The following SH3BP2 variants were observed in gnomAD, a reference collection of about 807,000 sequenced individuals.
The protein encoded by SH3BP2 is SH3 domain-binding protein 2.
Under a neutral mutation model 56.2 loss-of-function variants are expected in SH3BP2, and 38 were observed. That is an observed-to-expected ratio of 0.68 (90% confidence interval 0.52 to 0.89). The LOEUF is 0.89. Among genes scored for constraint, SH3BP2 ranks in the 40% least tolerant of loss-of-function variants. The pLI, the probability that SH3BP2 is intolerant of heterozygous loss-of-function variation, is 0.00. For synonymous variants in SH3BP2, 346 were observed against 316.7 expected, an observed-to-expected ratio of 1.09 and a Z score of -0.98; for missense variants, 748 against 762.6, an observed-to-expected ratio of 0.98 and a Z score of 0.23.
In SH3BP2 at chr4:2,840,924, T is replaced by C. The variant is rs1725402982; in HGVS notation, c.*7090T>C. On this transcript the variant is annotated 3_prime_UTR_variant, in exon 13 of 13. Coordinates refer to ENST00000503393, the MANE Select transcript of SH3BP2 (RefSeq NM_001122681.2). ...TTTGTCCATTGTGGTCTTGCTTATCTTAAGTTTGATTTGTAAATATTTTAT... is the reference window on the plus strand; with the variant it reads ...TTTGTCCATTGTGGTCTTGCTTATCCTAAGTTTGATTTGTAAATATTTTAT... 1 of 152,252 alleles carries C rather than the reference T, an allele frequency of 6.6e-6. No homozygotes were observed. The highest frequency in any genetic ancestry group is 1.5e-5 in the Non-Finnish European group (1 of 68,046). The allele number at this position is 152,252 out of a possible 1,614,324, so 9.4% of individuals were successfully genotyped here. A position where few individuals can be genotyped will look rare whatever the true frequency, so the allele number is the denominator to read the frequency against.
At chr4:2,802,554 G>GTGTATATA (rs1185639574) in intron 1 of SH3BP2, among the ~76,000 whole-genome samples, 3 of 132,086 alleles carry the variant, frequency 2.3e-5, no homozygotes, top group South Asian at 2.3e-4. Context: ...GTATATATAT[G>GTGTATATA]TGTATATATG....
In SH3BP2 at chr4:2,831,680, G is replaced by A; in HGVS notation, c.1350+1G>A. The A allele has an allele frequency of 6.3e-7, 1 of 1,585,280 alleles. No homozygotes were observed. Among genetic ancestry groups the A allele is most frequent in the Non-Finnish European group, 8.6e-7 (1 of 1,164,516 alleles). On this transcript the variant is annotated splice_donor_variant, in intron 9 of 12. Transcript: ENST00000503393. LOFTEE classifies it high-confidence loss of function. This position sits in a 1 kb window ranked among gnomAD's most constrained non-coding sequence, Gnocchi z 4.1. ...CGACTCGGACGAGGACTATGAGAAG[G>A]CAAGGCTGAGCGGCAAGCCTGGGTC...
chr4:2,804,303 T>A (rs1481329082), intron 1 of SH3BP2, among the ~76,000 whole-genome samples: 2 of 152,206 alleles, frequency 1.3e-5, no homozygotes, highest in African/African-American at 4.8e-5. Context: ...ACTGCCCCAG[T>A]TACTCCTGGG....
rs541262236 is a variant in SH3BP2 at position 2,812,690 on chromosome 4, G to C, written c.-4-7924G>C. ...GAGGCCCCCGAGCTGGCAGGCACAGGGGGAGGCCAGAGAGGGAATGTGATA... is the reference window on the plus strand; with the variant it reads ...GAGGCCCCCGAGCTGGCAGGCACAGCGGGAGGCCAGAGAGGGAATGTGATA... On this transcript the variant is annotated intron_variant, in intron 1 of 12. Transcript: ENST00000503393. 1.1e-3 allele frequency among the ~76,000 whole-genome samples: 173 copies of C among 152,274 alleles called. 1 individual carries two copies. Among genetic ancestry groups the C allele is most frequent in the African/African-American group, 4.0e-3 (165 of 41,582 alleles).
intron 1 of SH3BP2, among the ~76,000 whole-genome samples, chr4:2,801,516 G>A (rs1299862876): frequency 8.5e-5 from 13 of 152,072 alleles, no homozygotes; most frequent in African/African-American, 2.7e-4. Flanking sequence ...TCCCCTGTCC[G>A]GCCAGAGACC....
At chr4:2,826,982 AGTAT>A (rs768487468) in intron 5 of SH3BP2, 18 of 656,874 alleles carry the variant, frequency 2.7e-5, no homozygotes. Context: ...TGTTTGTCAG[AGTAT>A]GTGTGCATGT....
chr4:2,836,008 G>A lies in SH3BP2; in HGVS notation c.*2174G>A, dbSNP rs776033810. ...TGCCTGGGGTGCTGAGCTAGTGAGT[G>A]GTGCAGTCCAGGACACCTTTGCTTT... is the stretch of plus-strand genomic sequence containing the variant. On this transcript the variant is annotated 3_prime_UTR_variant, in exon 13 of 13. Coordinates refer to ENST00000503393, the MANE Select transcript of SH3BP2 (RefSeq NM_001122681.2). 5 of 152,240 alleles carry A rather than the reference G, an allele frequency of 3.3e-5. No individual in the cohort carries two copies. Among genetic ancestry groups the A allele is most frequent in the African/African-American group, 1.2e-4 (5 of 41,420 alleles). The allele number at this position is 152,240 out of a possible 1,614,324, so 9.4% of individuals were successfully genotyped here. A position where few individuals can be genotyped will look rare whatever the true frequency, so the allele number is the denominator to read the frequency against.
rs767239929 is a variant in SH3BP2, at chr4:2,827,299, G to A, written c.498G>A (p.Pro166=). Residue 166 remains proline (P), a synonymous_variant, in exon 6 of 13, where the codon CCG becomes CCA. Coordinates refer to ENST00000503393, the MANE Select transcript of SH3BP2 (RefSeq NM_001122681.2). ...VERPVDISLS[P]YPTDNEDYEH... ...GGCCTGTGGATATCAGCCTTTCCCC[G>A]TACCCCACGGACAATGAAGGTGAGG... 13 of 1,613,968 alleles carry A rather than the reference G, an allele frequency of 8.1e-6. No individual in the cohort carries two copies. Among genetic ancestry groups the A allele is most frequent in the Middle Eastern group, 1.6e-4 (1 of 6,084 alleles).
intron 8 of SH3BP2, among the ~76,000 whole-genome samples, chr4:2,830,700 G>A (rs138454699): frequency 9.2e-4 from 140 of 152,330 alleles, no homozygotes; most frequent in African/African-American, 3.1e-3. Flanking sequence ...AGTGCCAGGA[G>A]ACCAGTTTGT....
At chr4:2,803,912 G>A (rs530894750) in intron 1 of SH3BP2, among the ~76,000 whole-genome samples, 1 of 152,286 alleles carries the variant, frequency 6.6e-6, no homozygotes, top group Admixed American at 6.5e-5. Flanking sequence ...CAGACAGAGG[G>A]TGACAGTAGC....
At chr4:2,808,745 GCCCGCCTTCCCCCAGGCTCTGTGCCCA>G (rs1723633344) in intron 1 of SH3BP2, among the ~76,000 whole-genome samples, 1 of 151,880 alleles carries the variant, frequency 6.6e-6, no homozygotes, top group Admixed American at 6.6e-5. Context: ...CCCTGGGGGT[GCCCGCCTTCCCCCAGGCTCTGTGCCCA>G]CCCACCCTCC....
intron 5 of SH3BP2, 171 bp from the exon 6 acceptor site, chr4:2,827,059 G>T (rs1378748424): frequency 2.9e-6 from 2 of 700,440 alleles, no homozygotes; most frequent in African/African-American, 1.7e-5. Flanking sequence ...GTGTGTGCAT[G>T]TGTGTGTCTG....
intron 1 of SH3BP2, among the ~76,000 whole-genome samples, chr4:2,800,105 G>C (rs1015310754): frequency 1.3e-5 from 2 of 152,062 alleles, no homozygotes; most frequent in African/African-American, 4.8e-5. Context: ...AGGCTGGGTG[G>C]GAGTGGAGGA....
chr4:2,841,039 G>C lies in SH3BP2; in HGVS notation c.*7205G>C, dbSNP rs1204009045. On this transcript the variant is annotated 3_prime_UTR_variant, in exon 13 of 13. Transcript: ENST00000503393. The stretch of plus-strand genomic sequence containing the variant: ...TAAAACACACCTTGTCTTTTAACTG[G>C]AGCATTTTGTCCATTGTGTATTTAA... 1 of 151,424 alleles carries C rather than the reference G, an allele frequency of 6.6e-6. No individual in the cohort carries two copies. Among genetic ancestry groups the C allele is most frequent in the Non-Finnish European group, 1.5e-5 (1 of 67,916 alleles). The allele number at this position is 151,424 out of a possible 1,614,324, so 9.4% of individuals were successfully genotyped here.
chr4:2,812,294 A>G, intron 1 of SH3BP2: 1 of 1,546,308 alleles, frequency 6.5e-7, no homozygotes, highest in Non-Finnish European at 8.7e-7. Flanking sequence ...AGGCCTCAGA[A>G]GCAGCAGGAG....
At chr4:2,804,732 C>T (rs1723461115) in intron 1 of SH3BP2, among the ~76,000 whole-genome samples, 1 of 152,200 alleles carries the variant, frequency 6.6e-6, no homozygotes, top group South Asian at 2.1e-4. Context: ...TCCTTCTTAC[C>T]CACCCCAGAG....
chr4:2,813,285 C>T (rs1040425944), intron 1 of SH3BP2, among the ~76,000 whole-genome samples: 7 of 152,178 alleles, frequency 4.6e-5, no homozygotes, highest in African/African-American at 1.4e-4. Flanking sequence ...TGTGCTGGGC[C>T]GGGGGTGGTG....
intron 1 of SH3BP2, among the ~76,000 whole-genome samples, chr4:2,811,458 G>C (rs1378238624): frequency 1.3e-5 from 2 of 152,204 alleles, no homozygotes; most frequent in East Asian, 3.9e-4. Context: ...TCCTCCCTGG[G>C]CAAGTTCTGG....
chr4:2,835,417 C>T lies in SH3BP2; in HGVS notation c.*1583C>T, dbSNP rs532786191. On this transcript the variant is annotated 3_prime_UTR_variant, in exon 13 of 13. Coordinates refer to ENST00000503393, the MANE Select transcript of SH3BP2 (RefSeq NM_001122681.2). Reference sequence around the variant, plus strand: ...CCAAGGCCACCTCTGCAGGGGTTTCCTCTTCAGCCTGCCTGGGGTGAGAGG... The same window carrying T: ...CCAAGGCCACCTCTGCAGGGGTTTCTTCTTCAGCCTGCCTGGGGTGAGAGG... 1 of 152,332 alleles carries T rather than the reference C, an allele frequency of 6.6e-6. No homozygotes were observed. The highest frequency in any genetic ancestry group is 2.1e-4 in the South Asian group (1 of 4,818). 9.4% of individuals were successfully genotyped at this position (152,332 alleles called of 1,614,324 possible). A position where few individuals can be genotyped will look rare whatever the true frequency, so the allele number is the denominator to read the frequency against.
Sources: gnomAD v4.1 joint callset for allele counts (sites outside exome capture counted in the v4.1 genomes callset) on GRCh38, gnomAD v4.1.1 for gene constraint, Gnocchi (gnomAD v3.1) non-coding constraint, MANE v1.5 for transcripts, NCBI Gene and HGNC (gene_info 2026-07-23, HGNC 2026-07-21) for gene names.